SLC24A2: variants seen among roughly 807,000 people sequenced by gnomAD.
SLC24A2 encodes sodium/potassium/calcium exchanger 2.
A neutral mutation model predicts 62.0 loss-of-function variants in SLC24A2; 36 were observed. The ratio of observed to expected loss-of-function variants is 0.58; its 90% confidence interval spans 0.44 to 0.77. The LOEUF is 0.77. SLC24A2 is among the 30% of genes least tolerant of loss of function. SLC24A2 has a pLI of 0.00. For missense variants in SLC24A2, 846 were observed against 817.9 expected (o/e 1.03, Z -0.42); for synonymous variants, 358 against 294.0 (o/e 1.22, Z -2.23).
chr9:20,101,381 T>C, the SLC24A2 span, among the ~76,000 whole-genome samples: 9 of 152,232 alleles, frequency 5.9e-5, no homozygotes, highest in African/African-American at 1.9e-4. Context: ...GAAGCTGCCA[T>C]GAAAAAGTGC....
the SLC24A2 span, among the ~76,000 whole-genome samples, chr9:20,055,371 A>C: frequency 6.6e-6 from 1 of 152,268 alleles, no homozygotes; most frequent in Non-Finnish European, 1.5e-5. Context: ...TCTAGCAATC[A>C]TAAATATAGT....
the SLC24A2 span, among the ~76,000 whole-genome samples, chr9:20,165,325 G>A: frequency 5.3e-5 from 8 of 151,444 alleles, no homozygotes; most frequent in Admixed American, 4.0e-4. Flanking sequence ...AGTTCATTTG[G>A]AAAAATAAAC....
In SLC24A2 at chr9:19,516,205, A is replaced by C; in HGVS notation, c.1934T>G (p.Val645Gly). The C allele has an allele frequency of 6.2e-7, 1 of 1,614,170 alleles. No homozygotes were observed. The highest frequency in any genetic ancestry group is 8.5e-7 in the Non-Finnish European group (1 of 1,180,026). The change falls in exon 11 of 11, where the codon GTG becomes GGG. Residue 645 changes from valine to glycine, a missense_variant. Val to Gly is a moderately radical substitution (Grantham distance 109). Transcript: ENST00000341998. ...IMFGLYFVFL[V>G]VSVLLEDRIL... ...TCTGTCTTCTAGGAGAACGCTCACC[A>C]CCAGGAACACAAAGTAGAGGCCAAA...
chr9:19,788,944 G>T lies in SLC24A2; in HGVS notation c.-213C>A, dbSNP rs1180292164. 2 of 985,028 alleles carry T rather than the reference G, an allele frequency of 2.0e-6. No individual in the cohort carries two copies. The highest frequency in any genetic ancestry group is 3.5e-5 in the African/African-American group (2 of 57,248). 61.0% of individuals were successfully genotyped at this position (985,028 alleles called of 1,614,324 possible). Reference sequence around the variant, plus strand: ...CCCCCGAGCGCGGCCCGCCGCTCCAGTCCGCCGGCCCTCCGCCTACCCGCT... The same window carrying T: ...CCCCCGAGCGCGGCCCGCCGCTCCATTCCGCCGGCCCTCCGCCTACCCGCT... On this transcript the variant is annotated 5_prime_UTR_variant, in exon 1 of 11. The change creates a new upstream start codon in the 5' untranslated region. Transcript: ENST00000341998.
the SLC24A2 span, among the ~76,000 whole-genome samples, chr9:20,211,807 G>C: frequency 6.6e-6 from 1 of 152,058 alleles, no homozygotes; most frequent in Non-Finnish European, 1.5e-5. Context: ...CTTAAATAAG[G>C]AGTCTCAAAA....
chr9:19,576,291 G>T (rs1836007439), intron 6 of SLC24A2, among the ~76,000 whole-genome samples: 1 of 152,222 alleles, frequency 6.6e-6, no homozygotes, highest in Non-Finnish European at 1.5e-5. Flanking sequence ...GTTACAGACA[G>T]GAGAGAAGGA....
At chr9:19,794,971 T>G in the SLC24A2 span, among the ~76,000 whole-genome samples, 1 of 152,122 alleles carries the variant, frequency 6.6e-6, no homozygotes, top group Non-Finnish European at 1.5e-5. Flanking sequence ...AAATAAAGCT[T>G]AAAATACTGG....
intron 2 of SLC24A2, among the ~76,000 whole-genome samples, chr9:19,735,034 T>C (rs538855243): frequency 0.023 from 3,472 of 152,090 alleles, 76 homozygotes; most frequent in Non-Finnish European, 0.031. Context: ...CTAAAGAGCT[T>C]CTGCACAGCA....
the SLC24A2 span, among the ~76,000 whole-genome samples, chr9:20,251,966 A>T: frequency 6.6e-6 from 1 of 152,208 alleles, no homozygotes; most frequent in Non-Finnish European, 1.5e-5. Context: ...CAGAAGCTTA[A>T]GCCAGACTTT....
chr9:20,105,375 C>A, the SLC24A2 span, among the ~76,000 whole-genome samples: 3 of 152,090 alleles, frequency 2.0e-5, no homozygotes, highest in Non-Finnish European at 2.9e-5. Context: ...AACTCTCCAC[C>A]CCAAATCAAC....
intron 10 of SLC24A2, 42 bp downstream of exon 10, chr9:19,520,852 G>A (rs762488331): frequency 1.3e-6 from 2 of 1,593,566 alleles, no homozygotes; most frequent in East Asian, 2.2e-5. Flanking sequence ...CAAAGACACT[G>A]GTGGAGCTGG....
At chr9:20,303,550 C>T in the SLC24A2 span, among the ~76,000 whole-genome samples, 3 of 152,214 alleles carry the variant, frequency 2.0e-5, 1 homozygote, top group South Asian at 6.2e-4. Context: ...AGATGATAGC[C>T]CCCAGCCCAT....
chr9:19,626,124 T>A (rs1193761292), intron 2 of SLC24A2, among the ~76,000 whole-genome samples: 1 of 152,182 alleles, frequency 6.6e-6, no homozygotes, highest in Non-Finnish European at 1.5e-5. Context: ...CAGTCCCAAG[T>A]CCTTAAATCT....
At chr9:19,952,236 A>G in the SLC24A2 span, among the ~76,000 whole-genome samples, 4 of 152,058 alleles carry the variant, frequency 2.6e-5, no homozygotes, top group Non-Finnish European at 5.9e-5. Context: ...CATTCTCTTC[A>G]TACATAAATA....
At chr9:20,216,916 T>C in the SLC24A2 span, among the ~76,000 whole-genome samples, 2 of 152,142 alleles carry the variant, frequency 1.3e-5, no homozygotes, top group Non-Finnish European at 2.9e-5. Context: ...TGTCTTAAAC[T>C]TATGGAGGGT....
the SLC24A2 span, among the ~76,000 whole-genome samples, chr9:20,077,253 T>C: frequency 2.0e-5 from 3 of 151,952 alleles, no homozygotes; most frequent in South Asian, 4.2e-4. Context: ...ATAAATTGTA[T>C]TGTGTTAGGG....
At chr9:19,864,485 A>G in the SLC24A2 span, among the ~76,000 whole-genome samples, 1 of 152,078 alleles carries the variant, frequency 6.6e-6, no homozygotes, top group Non-Finnish European at 1.5e-5. Flanking sequence ...TTTAAATGTC[A>G]CTTATCATGA....
intron 2 of SLC24A2, among the ~76,000 whole-genome samples, chr9:19,708,307 T>C (rs2118577104): frequency 6.6e-6 from 1 of 152,188 alleles, no homozygotes; most frequent in East Asian, 1.9e-4. Context: ...GAAGAATCAA[T>C]ATCGTGAAAA....
At chr9:19,624,573 A>C (rs1346007299) in intron 2 of SLC24A2, among the ~76,000 whole-genome samples, 2 of 152,206 alleles carry the variant, frequency 1.3e-5, no homozygotes, top group Non-Finnish European at 2.9e-5. Context: ...GATTCTTCAG[A>C]GAAAAAACTG....
Sources: allele counts gnomAD v4.1 joint callset (sites outside exome capture counted in the v4.1 genomes callset), GRCh38; gene constraint gnomAD v4.1.1; transcripts MANE v1.5; gene names NCBI Gene and HGNC (gene_info 2026-07-23, HGNC 2026-07-21).